The following SLC24A2 variants were observed in gnomAD, a reference collection of about 807,000 sequenced individuals.
SLC24A2 encodes the protein sodium/potassium/calcium exchanger 2.
In SLC24A2, 36 loss-of-function variants were observed where a neutral mutation model predicts 62.0. The observed-to-expected ratio is 0.58, with a 90% confidence interval of 0.44 to 0.77. SLC24A2 has a LOEUF of 0.77. Ranked by LOEUF, SLC24A2 falls within the 30% of genes least tolerant of loss-of-function variation. The pLI, the probability that SLC24A2 is intolerant of heterozygous loss-of-function variation, is 0.00. For missense variants in SLC24A2, 846 were observed against 817.9 expected, an observed-to-expected ratio of 1.03 and a Z score of -0.42; for synonymous variants, 358 against 294.0, an observed-to-expected ratio of 1.22 and a Z score of -2.23.
At chr9:20,076,880 T>TCATATGTGTATATATATATATAC in the SLC24A2 span, among the ~76,000 whole-genome samples, 3 of 120,552 alleles carry the variant, frequency 2.5e-5, no homozygotes, top group African/African-American at 9.6e-5. Context: ...TATATATATA[T>TCATATGTGTATATATATATATAC]ACATATCATA....
the SLC24A2 span, among the ~76,000 whole-genome samples, chr9:20,040,405 A>C: frequency 6.6e-6 from 1 of 152,196 alleles, no homozygotes; most frequent in Non-Finnish European, 1.5e-5. Flanking sequence ...GGTGGGAAGG[A>C]GGGCTGGTTA....
intron 7 of SLC24A2, among the ~76,000 whole-genome samples, chr9:19,558,819 C>G (rs7858369): frequency 1.3e-5 from 2 of 152,042 alleles, no homozygotes; most frequent in Non-Finnish European, 2.9e-5. Context: ...CTGACAAAGG[C>G]GGCATGTTTT....
chr9:19,605,414 T>C (rs930478948), intron 4 of SLC24A2, among the ~76,000 whole-genome samples: 4 of 152,216 alleles, frequency 2.6e-5, no homozygotes, highest in Non-Finnish European at 5.9e-5. Context: ...TCATGTGACA[T>C]GATTTCCTTC....
intron 2 of SLC24A2, among the ~76,000 whole-genome samples, chr9:19,747,660 T>C (rs1439011109): frequency 6.6e-6 from 1 of 152,226 alleles, no homozygotes; most frequent in Admixed American, 6.5e-5. Context: ...ACTTTTACTA[T>C]GAGTGTCTTC....
At chr9:19,702,133 G>T (rs1820374147) in intron 2 of SLC24A2, among the ~76,000 whole-genome samples, 1 of 152,150 alleles carries the variant, frequency 6.6e-6, no homozygotes, top group South Asian at 2.1e-4. Context: ...GAGTGAAATG[G>T]AAAACTGTGA....
At chr9:19,876,632 C>T in the SLC24A2 span, among the ~76,000 whole-genome samples, 1 of 152,098 alleles carries the variant, frequency 6.6e-6, no homozygotes, top group Non-Finnish European at 1.5e-5. Flanking sequence ...TTTTATAAAG[C>T]TTGTTGCTAT....
chr9:20,265,823 C>T, the SLC24A2 span, among the ~76,000 whole-genome samples: 1 of 152,196 alleles, frequency 6.6e-6, no homozygotes, highest in African/African-American at 2.4e-5. Flanking sequence ...TTCTTTTTCT[C>T]AGCAAGGAAC....
At chr9:19,801,911 G>A in the SLC24A2 span, among the ~76,000 whole-genome samples, 49 of 152,206 alleles carry the variant, frequency 3.2e-4, no homozygotes, top group African/African-American at 1.1e-3. Context: ...AGTAGAGGTC[G>A]TCCTTTATTA....
chr9:20,035,439 A>T, the SLC24A2 span, among the ~76,000 whole-genome samples: 1 of 152,196 alleles, frequency 6.6e-6, no homozygotes, highest in Non-Finnish European at 1.5e-5. Flanking sequence ...GAGACTTCCA[A>T]TGAAAAATGA....
At chr9:20,074,421 A>T in the SLC24A2 span, among the ~76,000 whole-genome samples, 1 of 151,970 alleles carries the variant, frequency 6.6e-6, no homozygotes, top group Admixed American at 6.6e-5. Flanking sequence ...TTAACCATGG[A>T]GTCCAACAAT....
chr9:19,732,439 G>C (rs545789731), intron 2 of SLC24A2, among the ~76,000 whole-genome samples: 17 of 152,232 alleles, frequency 1.1e-4, no homozygotes, highest in African/African-American at 4.1e-4. Context: ...AACTCCATCA[G>C]GGCTGGCAGC....
chr9:20,257,103 T>C, the SLC24A2 span, among the ~76,000 whole-genome samples: 3 of 152,180 alleles, frequency 2.0e-5, no homozygotes. Context: ...GCACTATCAA[T>C]CTGTTTTTAA....
chr9:19,955,438 A>T, the SLC24A2 span, among the ~76,000 whole-genome samples: 2 of 151,704 alleles, frequency 1.3e-5, no homozygotes, highest in African/African-American at 2.4e-5. Context: ...TGTTGCCAAA[A>T]CAAGTGAGAG....
the SLC24A2 span, among the ~76,000 whole-genome samples, chr9:19,901,965 G>A: frequency 5.3e-5 from 8 of 152,274 alleles, no homozygotes; most frequent in Middle Eastern, 6.8e-3. Flanking sequence ...TTGAGGCCCC[G>A]TGCTTGCTGG....
the SLC24A2 span, among the ~76,000 whole-genome samples, chr9:19,900,177 C>T: frequency 6.6e-6 from 1 of 152,202 alleles, no homozygotes; most frequent in Non-Finnish European, 1.5e-5. Context: ...CCCTGCACAA[C>T]TGCTACTGCT....
intron 8 of SLC24A2, 100 bp downstream of exon 8, chr9:19,550,037 G>C (rs1834767151): frequency 8.4e-7 from 1 of 1,195,832 alleles, no homozygotes; most frequent in Non-Finnish European, 1.2e-6. Flanking sequence ...TGATACAAGT[G>C]TACTTCCTTT....
chr9:19,900,993 G>A, the SLC24A2 span, among the ~76,000 whole-genome samples: 3 of 152,208 alleles, frequency 2.0e-5, no homozygotes, highest in African/African-American at 7.2e-5. Context: ...TTGGCCTTGT[G>A]GTCACAATCC....
At chr9:19,811,992 C>T in the SLC24A2 span, among the ~76,000 whole-genome samples, 36 of 151,988 alleles carry the variant, frequency 2.4e-4, no homozygotes, top group African/African-American at 8.0e-4. Flanking sequence ...TATTTGAAAA[C>T]ATCTTTATTT....
chr9:19,867,255 C>T, the SLC24A2 span, among the ~76,000 whole-genome samples: 1 of 151,984 alleles, frequency 6.6e-6, no homozygotes, highest in African/African-American at 2.4e-5. Flanking sequence ...GCTGATAGTC[C>T]ATCATTTTTT....
Sources: gnomAD v4.1 joint callset for allele counts (sites outside exome capture counted in the v4.1 genomes callset) on GRCh38, gnomAD v4.1.1 for gene constraint, MANE v1.5 for transcripts, NCBI Gene and HGNC (gene_info 2026-07-23, HGNC 2026-07-21) for gene names.